The following TMEM40 variants were observed in gnomAD, a reference collection of about 807,000 sequenced individuals.
The protein encoded by TMEM40 is transmembrane protein 40.
In TMEM40, 34 loss-of-function variants were observed where a neutral mutation model predicts 40.8. The observed-to-expected ratio is 0.83, with a 90% CI of 0.63 to 1.11. TMEM40 has a LOEUF of 1.11. TMEM40 is among the 50% of genes least tolerant of loss of function. The probability of loss-of-function intolerance (pLI) is 0.00; values close to 1 mark genes in which losing one functional copy is unlikely to be tolerated. For synonymous variants in TMEM40, 106 were observed against 107.0 expected (o/e 0.99, Z 0.06); for missense variants, 296 against 280.2 (o/e 1.06, Z -0.40).
intron 3 of TMEM40, among the ~76,000 whole-genome samples, chr3:12,745,518 G>T (rs1016805447): frequency 6.6e-6 from 1 of 151,854 alleles, no homozygotes; most frequent in African/African-American, 2.4e-5. Flanking sequence ...GTACAATCAG[G>T]GCTTACTGTA....
intron 1 of TMEM40, among the ~76,000 whole-genome samples, chr3:12,754,169 G>A (rs57378969): frequency 0.058 from 8,805 of 152,134 alleles, 360 homozygotes; most frequent in African/African-American, 0.11. Flanking sequence ...AAAATTAGCC[G>A]GGCATGGTGG....
At position 12,742,558 on chromosome 3, in the gene TMEM40, G is replaced by A. The variant is rs377564166; in HGVS notation, c.302-51C>T. 8.8e-6 allele frequency: 14 copies of A among 1,595,098 alleles called. No homozygotes were observed. The African/African-American group carries it at 1.7e-4, about 20-fold the overall frequency. The stretch of plus-strand genomic sequence containing the variant: ...AGCACTCCCCAAACACAGTGATCCA[G>A]GCCACTTCCCTCTCCCATGGCTTCG... On this transcript the variant is annotated intron_variant, in intron 4 of 11. Coordinates refer to ENST00000314124, the MANE Select transcript of TMEM40 (RefSeq NM_018306.4).
intron 5 of TMEM40, among the ~76,000 whole-genome samples, chr3:12,740,254 T>C (rs893831960): frequency 4.6e-5 from 7 of 151,168 alleles, no homozygotes; most frequent in Admixed American, 1.3e-4. Flanking sequence ...CACACCTGGC[T>C]AATTTTTGTA....
chr3:12,741,249 A>C (rs73812875), intron 5 of TMEM40: 20,252 of 152,092 alleles, frequency 0.13, 2,281 homozygotes, highest in African/African-American at 0.31. Flanking sequence ...CATACCATTC[A>C]CCATGTGGTT....
chr3:12,769,257 G>C (rs1300375832), exon 1 of TMEM40: 2 of 412,648 alleles, frequency 4.8e-6, no homozygotes, highest in Non-Finnish European at 1.0e-5. Context: ...ATACCTCCCG[G>C]AAGGCTGAGG....
chr3:12,748,987 A>G (rs1177463176), intron 2 of TMEM40, among the ~76,000 whole-genome samples, 195 bp from the exon 3 acceptor site: 2 of 152,188 alleles, frequency 1.3e-5, no homozygotes, highest in Non-Finnish European at 2.9e-5. Context: ...GGAAGGCTCA[A>G]TACAGAGATT....
chr3:12,741,781 AAAAGAAAGAAGG>A (rs1476906577), intron 5 of TMEM40, among the ~76,000 whole-genome samples: 1 of 151,520 alleles, frequency 6.6e-6, no homozygotes, highest in Non-Finnish European at 1.5e-5. Flanking sequence ...AAAAAAAAAA[AAAAGAAAGAAGG>A]AAAGAAAGAA....
At chr3:12,747,170 G>A (rs2061435481) in intron 3 of TMEM40, among the ~76,000 whole-genome samples, 1 of 151,854 alleles carries the variant, frequency 6.6e-6, no homozygotes, top group African/African-American at 2.4e-5. Flanking sequence ...TGCAACATGA[G>A]GACATAAGAC....
intron 11 of TMEM40, among the ~76,000 whole-genome samples, chr3:12,735,326 T>G (rs1016104705): frequency 6.6e-6 from 1 of 152,248 alleles, no homozygotes; most frequent in Admixed American, 6.5e-5. Context: ...TCACTTGATC[T>G]TCACAACACA....
rs1385825502 is a variant in TMEM40 at position 12,743,924 on chromosome 3, A to G, written c.277T>C (p.Tyr93His). The G allele has an allele frequency of 3.7e-6, 6 of 1,613,424 alleles. No homozygotes were observed. The highest frequency in any genetic ancestry group is 1.7e-5 in the Admixed American group (1 of 59,928). ...CCGGGTGAGCCGTTCCCGTGGGGGT[A>G]TCCAGCCCCCAGGCTCCGTCGATGT... ...GKHRRSLGAG[Y>H]PHGNGSPGPG... is the part of the protein sequence containing the mutation. Residue 93 changes from tyrosine to histidine, a missense_variant, in exon 4 of 12, where the codon TAC becomes CAC. Transcript: ENST00000314124.
At chr3:12,763,392 G>A (rs570381712), upstream of TMEM40, among the ~76,000 whole-genome samples, 1 of 152,192 alleles carries the variant, frequency 6.6e-6, no homozygotes, top group Non-Finnish European at 1.5e-5. Context: ...GATCTCAGGG[G>A]ACATGATAGA....
In TMEM40 at chr3:12,734,515, T is replaced by C; in HGVS notation, c.*259A>G. The C allele has an allele frequency of 2.0e-6, 1 of 503,438 alleles. No homozygotes were observed. The highest frequency in any genetic ancestry group is 3.6e-6 in the Non-Finnish European group (1 of 278,138). The allele number at this position is 503,438 out of a possible 1,614,324, so 31.2% of individuals were successfully genotyped here. A position where few individuals can be genotyped will look rare whatever the true frequency, so the allele number is the denominator to read the frequency against. ...CCCAGAATCTTCCTGCTGGTCCAGG[T>C]ACTGTGAAGCCTCAGGCCCCACACC... On this transcript the variant is annotated 3_prime_UTR_variant, in exon 12 of 12. Transcript: ENST00000314124.
At chr3:12,762,166 T>C (rs2061571734), upstream of TMEM40, among the ~76,000 whole-genome samples, 1 of 152,084 alleles carries the variant, frequency 6.6e-6, no homozygotes, top group African/African-American at 2.4e-5. Flanking sequence ...AGAAAGGGTC[T>C]GCTGTGTTGC....
intron 1 of TMEM40, among the ~76,000 whole-genome samples, chr3:12,766,968 G>C (rs947744533): frequency 6.6e-6 from 1 of 152,222 alleles, no homozygotes; most frequent in Non-Finnish European, 1.5e-5. Flanking sequence ...CACAGCCACA[G>C]CTCTAGTTGA....
chr3:12,746,725 G>A (rs1435964735), intron 3 of TMEM40, among the ~76,000 whole-genome samples: 2 of 152,142 alleles, frequency 1.3e-5, no homozygotes. Context: ...TAGGACTCTG[G>A]CTTTCTCCCG....
intron 1 of TMEM40, among the ~76,000 whole-genome samples, chr3:12,764,534 G>A (rs1056497526): frequency 5.3e-5 from 8 of 152,192 alleles, no homozygotes; most frequent in Non-Finnish European, 4.4e-5. Flanking sequence ...TTAGCTTCTG[G>A]TCCACGTTGG....
chr3:12,738,468 T>G (rs1389646140), intron 6 of TMEM40, 85 bp downstream of exon 6: 19 of 1,453,252 alleles, frequency 1.3e-5, no homozygotes, highest in Non-Finnish European at 1.7e-5. Flanking sequence ...TCCCAACAGG[T>G]GCTGGCTCTC....
At chr3:12,757,864 G>T (rs1022583185) in intron 1 of TMEM40, among the ~76,000 whole-genome samples, 2 of 152,070 alleles carry the variant, frequency 1.3e-5, no homozygotes, top group Admixed American at 1.3e-4. Context: ...ACCATGCCTG[G>T]CTAATTTTTG....
At chr3:12,767,721 T>C (rs6806279) in intron 1 of TMEM40, among the ~76,000 whole-genome samples, 17,388 of 152,030 alleles carry the variant, frequency 0.11, 2,865 homozygotes, top group African/African-American at 0.37. Flanking sequence ...GAAAACAGGA[T>C]GACTAGGGCT....
Sources: gnomAD v4.1 joint callset for allele counts (sites outside exome capture counted in the v4.1 genomes callset) on GRCh38, gnomAD v4.1.1 for gene constraint, MANE v1.5 for transcripts, NCBI Gene and HGNC (gene_info 2026-07-23, HGNC 2026-07-21) for gene names.